ARHGAP42: variants seen among roughly 807,000 people sequenced by gnomAD.
ARHGAP42 encodes the protein rho GTPase-activating protein 42.
In ARHGAP42, 63 loss-of-function variants were observed where a neutral mutation model predicts 125.0. The ratio of observed to expected loss-of-function variants is 0.50; its 90% CI spans 0.41 to 0.62. The LOEUF is 0.62. Ranked by LOEUF, ARHGAP42 falls within the 20% of genes least tolerant of loss-of-function variation. ARHGAP42 has a pLI of 0.00. For synonymous variants in ARHGAP42, 339 were observed against 351.0 expected, an observed-to-expected ratio of 0.97 and a Z score of 0.38; for missense variants, 766 against 1,024.2, an observed-to-expected ratio of 0.75 and a Z score of 3.44.
rs1439741906 is a variant in ARHGAP42 at position 100,859,557 on chromosome 11, C to G, written c.316C>G (p.Gln106Glu). The change falls in exon 4 of 24, where the codon CAA (glutamine) becomes GAA (glutamate). Residue 106 changes from glutamine to glutamate, a missense_variant. Physicochemically the swap from Gln to Glu is conservative, Grantham distance 29. Coordinates refer to ENST00000298815, the MANE Select transcript of ARHGAP42 (RefSeq NM_152432.4). The part of the protein sequence containing the change: ...AVEEERRRLI[Q>E]NANDVLIAPL... The stretch of plus-strand genomic sequence containing the variant: ...ATATGTGCATTTTTTATTTCAGATC[C>G]AAAACGCTAACGATGTATTAATTGC... 13 of 1,521,030 alleles carry G rather than the reference C, an allele frequency of 8.5e-6. No homozygotes were observed. The highest frequency in any genetic ancestry group is 1.1e-5 in the Non-Finnish European group (13 of 1,135,914). The allele number at this position is 1,521,030 out of a possible 1,614,324, so 94.2% of individuals were successfully genotyped here. A position where few individuals can be genotyped will look rare whatever the true frequency, so the allele number is the denominator to read the frequency against.
At chr11:100,712,578 T>TGGCG (rs1861582910) in intron 1 of ARHGAP42, among the ~76,000 whole-genome samples, 1 of 151,902 alleles carries the variant, frequency 6.6e-6, no homozygotes, top group Admixed American at 6.6e-5. Flanking sequence ...GAGTGGCAGG[T>TGGCG]GGTGGGAGGG....
At chr11:100,707,115 T>C (rs1861491701) in intron 1 of ARHGAP42, among the ~76,000 whole-genome samples, 1 of 152,382 alleles carries the variant, frequency 6.6e-6, no homozygotes, top group East Asian at 1.9e-4. Context: ...TTTTCAGATA[T>C]ATGAATGCAC....
chr11:100,723,457 A>G (rs1245777986), intron 1 of ARHGAP42, among the ~76,000 whole-genome samples: 1 of 152,152 alleles, frequency 6.6e-6, no homozygotes, highest in Non-Finnish European at 1.5e-5. Context: ...ATTTTCTTTC[A>G]TCAGAGGTTT....
chr11:100,900,073 C>A (rs933034214), intron 4 of ARHGAP42, among the ~76,000 whole-genome samples: 2 of 151,748 alleles, frequency 1.3e-5, no homozygotes, highest in Admixed American at 1.3e-4. Flanking sequence ...TTTAGTGCTA[C>A]CTTCAGGACC....
chr11:100,852,305 A>C (rs1276161711), intron 3 of ARHGAP42, among the ~76,000 whole-genome samples: 1 of 152,254 alleles, frequency 6.6e-6, no homozygotes, highest in Non-Finnish European at 1.5e-5. Context: ...ACGTTCAGCT[A>C]CTAAAATGCA....
chr11:100,866,963 G>T (rs1469997132), intron 4 of ARHGAP42, among the ~76,000 whole-genome samples: 4 of 152,156 alleles, frequency 2.6e-5, no homozygotes, highest in African/African-American at 9.7e-5. Context: ...ATCCATCAGG[G>T]TGATCAGGTA....
chr11:100,784,445 A>G (rs1054498035), intron 2 of ARHGAP42, among the ~76,000 whole-genome samples: 1 of 152,218 alleles, frequency 6.6e-6, no homozygotes, highest in Non-Finnish European at 1.5e-5. Context: ...GACAGCAGAG[A>G]TGAAGTAAGA....
intron 6 of ARHGAP42, among the ~76,000 whole-genome samples, chr11:100,923,595 G>GA (rs1439508981): frequency 6.6e-6 from 1 of 152,064 alleles, no homozygotes; most frequent in African/African-American, 2.4e-5. Context: ...GGAATGACAA[G>GA]AATTTATGAA....
intron 7 of ARHGAP42, among the ~76,000 whole-genome samples, chr11:100,933,823 C>T (rs971091860): frequency 2.0e-5 from 3 of 151,772 alleles, no homozygotes; most frequent in South Asian, 2.1e-4. Context: ...GAGCTTCGCT[C>T]GTCACCCAGG....
At position 100,687,616 on chromosome 11, in the gene ARHGAP42, G is replaced by C; in HGVS notation, c.-63G>C. The C allele has an allele frequency of 1.7e-6, 2 of 1,199,812 alleles. No individual in the cohort carries two copies. The highest frequency in any genetic ancestry group is 2.1e-6 in the Non-Finnish European group (2 of 962,722). The allele number at this position is 1,199,812 out of a possible 1,614,324, so 74.3% of individuals were successfully genotyped here. Reference sequence around the variant, plus strand: ...ACCCCAGCGCCCGCCGCGGCCGCCGGCTGCCCCCGCCCTGACCTCCGGCCC... The same window carrying C: ...ACCCCAGCGCCCGCCGCGGCCGCCGCCTGCCCCCGCCCTGACCTCCGGCCC... On this transcript the variant is annotated 5_prime_UTR_variant, in exon 1 of 24. Transcript: ENST00000298815.
intron 8 of ARHGAP42, among the ~76,000 whole-genome samples, chr11:100,938,044 C>A (rs992491676): frequency 7.6e-6 from 1 of 132,032 alleles, no homozygotes; most frequent in Non-Finnish European, 1.6e-5. Context: ...TGGTACTGAC[C>A]TCTTCTCTGA....
chr11:100,763,574 G>GC (rs973959720), intron 1 of ARHGAP42, among the ~76,000 whole-genome samples: 4 of 151,730 alleles, frequency 2.6e-5, no homozygotes, highest in African/African-American at 7.3e-5. Context: ...TGCAACCTCC[G>GC]CCCCCCGGGT....
intron 12 of ARHGAP42, among the ~76,000 whole-genome samples, chr11:100,954,480 A>T (rs483789): frequency 6.6e-6 from 1 of 151,690 alleles, no homozygotes; most frequent in Non-Finnish European, 1.5e-5. Context: ...TTGTGTGTTT[A>T]AGTGGCTTTC....
intron 3 of ARHGAP42, among the ~76,000 whole-genome samples, chr11:100,850,872 T>C (rs976505183): frequency 3.7e-5 from 4 of 107,332 alleles, no homozygotes; most frequent in African/African-American, 1.4e-4. Flanking sequence ...ATAGTAGCTT[T>C]CTTTTTTTTT....
At position 100,687,606 on chromosome 11, in the gene ARHGAP42, G is replaced by A. The variant is rs1861106479; in HGVS notation, c.-73G>A. On this transcript the variant is annotated 5_prime_UTR_variant, in exon 1 of 24. Coordinates refer to ENST00000298815, the MANE Select transcript of ARHGAP42 (RefSeq NM_152432.4). ...CGATCGCGCGACCCCAGCGCCCGCC[G>A]CGGCCGCCGGCTGCCCCCGCCCTGA... 6 of 1,170,214 alleles carry A rather than the reference G, an allele frequency of 5.1e-6. No individual in the cohort carries two copies. Among genetic ancestry groups the A allele is most frequent in the Non-Finnish European group, 6.4e-6 (6 of 941,880 alleles). The allele number at this position is 1,170,214 out of a possible 1,614,324, so 72.5% of individuals were successfully genotyped here. A position where few individuals can be genotyped will look rare whatever the true frequency, so the allele number is the denominator to read the frequency against.
intron 6 of ARHGAP42, among the ~76,000 whole-genome samples, chr11:100,924,440 G>A (rs963589683): frequency 6.6e-6 from 1 of 151,978 alleles, no homozygotes; most frequent in Admixed American, 6.6e-5. Flanking sequence ...GCCGAGGCGG[G>A]TGGATCGCTT....
chr11:100,911,715 G>A (rs1322110594), intron 4 of ARHGAP42, among the ~76,000 whole-genome samples: 2 of 152,092 alleles, frequency 1.3e-5, no homozygotes, highest in East Asian at 3.9e-4. Flanking sequence ...TGAGTGGAGA[G>A]GACTAGCCTC....
In ARHGAP42 at chr11:100,743,423, G is replaced by A. The variant is rs372727107; in HGVS notation, c.155-26920G>A. Among the ~76,000 whole-genome samples the A allele has an allele frequency of 5.9e-5, 9 of 152,314 alleles. No individual in the cohort carries two copies. The East Asian group carries it at 1.3e-3, about 23-fold the overall frequency. ...TCTTCTGGTTTTTAAGATTTCTAGTGAGAAGCTTGCTTTTAGTCTGATAGG... is the reference window on the plus strand; with the variant it reads ...TCTTCTGGTTTTTAAGATTTCTAGTAAGAAGCTTGCTTTTAGTCTGATAGG... On this transcript the variant is annotated intron_variant, in intron 1 of 23. Transcript: ENST00000298815.
At chr11:100,941,101 G>C (rs1357381594) in intron 8 of ARHGAP42, among the ~76,000 whole-genome samples, 1 of 152,138 alleles carries the variant, frequency 6.6e-6, no homozygotes, top group Non-Finnish European at 1.5e-5. Context: ...AACAGTGCAA[G>C]TCATGCAGGT....
Sources: allele counts gnomAD v4.1 joint callset (sites outside exome capture counted in the v4.1 genomes callset), GRCh38; gene constraint gnomAD v4.1.1; transcripts MANE v1.5; gene names NCBI Gene and HGNC (gene_info 2026-07-23, HGNC 2026-07-21).